LOC128125822: variants seen among roughly 807,000 people sequenced by gnomAD.
the LOC128125822 span, chr6:63,580,215 A>G: frequency 1.0e-5 from 15 of 1,450,006 alleles, no homozygotes; most frequent in Non-Finnish European, 1.4e-5. Flanking sequence ...AACTTGAGAT[A>G]GGGCCTAATT....
chr6:63,580,243 A>C, the LOC128125822 span: 1 of 1,253,198 alleles, frequency 8.0e-7, no homozygotes, highest in Non-Finnish European at 1.2e-6. Context: ...CATATTAGCC[A>C]ACATGTTGGC....
the LOC128125822 span, chr6:63,578,664 C>A: frequency 7.7e-7 from 1 of 1,306,102 alleles, no homozygotes; most frequent in Non-Finnish European, 1.0e-6. Flanking sequence ...TATTATTGTG[C>A]AGAATCTTAA....
At chr6:63,574,728 A>AT in the LOC128125822 span, among the ~76,000 whole-genome samples, 1 of 152,220 alleles carries the variant, frequency 6.6e-6, no homozygotes, top group South Asian at 2.1e-4. Flanking sequence ...GTGATGAGTC[A>AT]TTATAAAGCT....
the LOC128125822 span, chr6:63,576,805 T>C: frequency 1.6e-5 from 19 of 1,205,802 alleles, no homozygotes; most frequent in Admixed American, 1.5e-4. Flanking sequence ...TAGACTTCAG[T>C]TTCTTTGCAT....
At chr6:63,582,224 TGA>T in the LOC128125822 span, 13,439 of 152,400 alleles carry the variant, frequency 0.088, 630 homozygotes, top group East Asian at 0.16. Context: ...AGCCTAGTCT[TGA>T]GAACATAATT....
At chr6:63,579,041 A>T in the LOC128125822 span, 12 of 1,559,846 alleles carry the variant, frequency 7.7e-6, no homozygotes, top group African/African-American at 1.5e-4. Context: ...AAATGAATTT[A>T]TCAATTTGAT....
chr6:63,573,029 G>A, the LOC128125822 span, among the ~76,000 whole-genome samples: 145 of 152,102 alleles, frequency 9.5e-4, 2 homozygotes, highest in South Asian at 0.018. Flanking sequence ...GGCGGCCGGG[G>A]GCAGTTTCGG....
the LOC128125822 span, chr6:63,577,091 A>G: frequency 3.8e-6 from 3 of 782,706 alleles, no homozygotes; most frequent in Non-Finnish European, 4.1e-6. Context: ...TGATATACCT[A>G]CAATTCCAGT....
chr6:63,583,085 CACCAATGAGT>C, the LOC128125822 span: 1 of 152,116 alleles, frequency 6.6e-6, no homozygotes, highest in Non-Finnish European at 1.5e-5. Flanking sequence ...AGATTTTGGT[CACCAATGAGT>C]ACCCGACCCG....
chr6:63,577,039 C>G, the LOC128125822 span: 1 of 1,362,114 alleles, frequency 7.3e-7, no homozygotes, highest in South Asian at 1.2e-5. Flanking sequence ...AATAGTGGGA[C>G]TTATAGCTAA....
chr6:63,580,048 T>G, the LOC128125822 span: 1 of 1,575,790 alleles, frequency 6.3e-7, no homozygotes. Context: ...TTTTTTTTTT[T>G]CCTCCCAGAA....
At chr6:63,581,607 G>A in the LOC128125822 span, 2 of 152,080 alleles carry the variant, frequency 1.3e-5, no homozygotes, top group Non-Finnish European at 2.9e-5. Context: ...ATTTGTTAGG[G>A]TCATTCATGA....
chr6:63,573,039 G>A, the LOC128125822 span, among the ~76,000 whole-genome samples: 2 of 151,828 alleles, frequency 1.3e-5, no homozygotes, highest in African/African-American at 2.4e-5. Flanking sequence ...GGCAGTTTCG[G>A]CTTCCGCAGC....
the LOC128125822 span, chr6:63,583,304 C>CA: frequency 6.6e-6 from 1 of 152,146 alleles, no homozygotes; most frequent in Non-Finnish European, 1.5e-5. Context: ...ATTCTTGCTT[C>CA]CTTAAATTAA....
the LOC128125822 span, chr6:63,581,553 A>G: frequency 4.6e-5 from 7 of 152,300 alleles, no homozygotes. Flanking sequence ...AAATAAATGA[A>G]GGATTATAAA....
At chr6:63,579,426 GATT>G in the LOC128125822 span, 1 of 884,378 alleles carries the variant, frequency 1.1e-6, no homozygotes, top group Non-Finnish European at 1.6e-6. Flanking sequence ...TAATCATTAT[GATT>G]ATTTTTTGAG....
At chr6:63,578,130 G>A in the LOC128125822 span, among the ~76,000 whole-genome samples, 1 of 151,970 alleles carries the variant, frequency 6.6e-6, no homozygotes, top group East Asian at 1.9e-4. Context: ...ATCCCAATCC[G>A]GTATTACCAT....
At chr6:63,576,965 A>T in the LOC128125822 span, 2 of 1,612,440 alleles carry the variant, frequency 1.2e-6, no homozygotes, top group African/African-American at 2.7e-5. Context: ...AACCAATGCG[A>T]CCTTAAACAA....
At chr6:63,580,159 C>A in the LOC128125822 span, 1 of 1,610,564 alleles carries the variant, frequency 6.2e-7, no homozygotes, top group Non-Finnish European at 8.5e-7. Flanking sequence ...ATAGAAACAA[C>A]TGTTGCATTC....
Sources: gnomAD v4.1 joint callset for allele counts (sites outside exome capture counted in the v4.1 genomes callset) on GRCh38, gnomAD v4.1.1 for gene constraint, MANE v1.5 for transcripts.